TENT4B: variants seen among roughly 807,000 people sequenced by gnomAD.
TENT4B encodes PAP associated domain containing 5.
TENT4B carries 10 observed loss-of-function variants against 75.0 expected under a neutral mutation model. That is an observed-to-expected ratio of 0.13 (90% CI 0.08 to 0.23). The LOEUF is 0.23. TENT4B is among the 10% of genes least tolerant of loss of function. TENT4B has a pLI of 1.00. For missense variants in TENT4B, 579 were observed against 893.8 expected, an observed-to-expected ratio of 0.65 and a Z score of 4.49; for synonymous variants, 350 against 357.7, an observed-to-expected ratio of 0.98 and a Z score of 0.24.
chr16:50,186,366 ATC>A (rs2038527415), intron 1 of TENT4B, among the ~76,000 whole-genome samples: 2 of 151,946 alleles, frequency 1.3e-5, no homozygotes, highest in African/African-American at 4.8e-5. Flanking sequence ...CCTGGCTTTC[ATC>A]ATCTAGCAGG....
chr16:50,166,780 ATTTTTT>A (rs57856238), intron 1 of TENT4B, among the ~76,000 whole-genome samples: 43 of 115,270 alleles, frequency 3.7e-4, no homozygotes, highest in African/African-American at 5.2e-4. Flanking sequence ...TGCCTGGCTA[ATTTTTT>A]TTTTTTTTTT....
At chr16:50,180,340 T>A (rs1433595854) in intron 1 of TENT4B, among the ~76,000 whole-genome samples, 1 of 152,184 alleles carries the variant, frequency 6.6e-6, no homozygotes, top group Non-Finnish European at 1.5e-5. Flanking sequence ...CCTAACCTTG[T>A]GATCTGCCTG....
intron 1 of TENT4B, among the ~76,000 whole-genome samples, chr16:50,205,514 G>A (rs1313159467): frequency 6.9e-6 from 1 of 144,424 alleles, no homozygotes; most frequent in Non-Finnish European, 1.5e-5. Flanking sequence ...AATGCAAATA[G>A]GAACATTTTG....
chr16:50,192,732 C>T (rs188391842), intron 1 of TENT4B, among the ~76,000 whole-genome samples: 16 of 151,838 alleles, frequency 1.1e-4, no homozygotes, highest in African/African-American at 3.6e-4. Context: ...ATTTGAATTG[C>T]ACATAATTTT....
chr16:50,159,701 C>G (rs1311765642), intron 1 of TENT4B, among the ~76,000 whole-genome samples: 3 of 152,110 alleles, frequency 2.0e-5, no homozygotes, highest in Admixed American at 6.6e-5. Flanking sequence ...GCAGATATAG[C>G]CCACAGTAAT....
At position 50,216,125 on chromosome 16, in the gene TENT4B, C is replaced by T. The variant is rs984510384; in HGVS notation, c.860C>T (p.Thr287Ile). ...FGKWENLPLWTLEEALRKHKV... is the reference protein window; with the variant it reads ...FGKWENLPLWILEEALRKHKV... ...AAGTGGGAGAACCTACCCCTCTGGA[C>T]TCTGGAAGAAGCTCTTCGGAAACAC... Residue 287 changes from threonine (T) to isoleucine (I), a missense_variant, in exon 4 of 12, where the codon ACT becomes ATT. Transcript: ENST00000561678. The T allele has an allele frequency of 2.5e-6, 4 of 1,613,878 alleles. No individual in the cohort carries two copies. The highest frequency in any genetic ancestry group is 3.4e-6 in the Non-Finnish European group (4 of 1,179,876).
upstream of TENT4B, among the ~76,000 whole-genome samples, chr16:50,153,280 C>CGCCGCT (rs1050160530): frequency 3.6e-5 from 5 of 137,550 alleles, no homozygotes; most frequent in East Asian, 4.6e-4. Context: ...GTCTCGCTGC[C>CGCCGCT]GCCGCTGCCG....
chr16:50,192,757 A>G (rs975194663), intron 1 of TENT4B, among the ~76,000 whole-genome samples: 4 of 80,980 alleles, frequency 4.9e-5, no homozygotes, highest in African/African-American at 1.2e-4. Context: ...TGTCTCCTGT[A>G]TAATTCTTCT....
chr16:50,206,911 T>TG (rs971447699), intron 1 of TENT4B, among the ~76,000 whole-genome samples: 25 of 150,892 alleles, frequency 1.7e-4, no homozygotes, highest in African/African-American at 4.4e-4. Context: ...AGAAGTTTGT[T>TG]TTTTTTTTTT....
At chr16:50,159,349 A>G (rs951770684) in intron 1 of TENT4B, among the ~76,000 whole-genome samples, 4 of 150,968 alleles carry the variant, frequency 2.6e-5, no homozygotes, top group African/African-American at 9.8e-5. Flanking sequence ...GGTTCAAGCA[A>G]TTCTCCTGCC....
At chr16:50,205,978 A>G (rs1462641759) in intron 1 of TENT4B, among the ~76,000 whole-genome samples, 1 of 152,134 alleles carries the variant, frequency 6.6e-6, no homozygotes, top group Admixed American at 6.5e-5. Flanking sequence ...TGACATCTTT[A>G]TCAGCTTATA....
intron 1 of TENT4B, among the ~76,000 whole-genome samples, chr16:50,161,607 T>C (rs954587988): frequency 2.0e-5 from 3 of 152,234 alleles, no homozygotes; most frequent in Non-Finnish European, 4.4e-5. Flanking sequence ...CCATTTGTTA[T>C]TATATTAACC....
Position 50,231,446 on chromosome 16 carries a change from CTG to C in TENT4B, c.*2119_*2120del. ...AGAGATCTATGTTACATTTACCACA[CTG>C]AAGTTTTTTTTGTTGTTTTTTGTTT... On this transcript the variant is annotated 3_prime_UTR_variant, in exon 12 of 12. Transcript: ENST00000561678. The C allele has an allele frequency of 1.0e-6, 1 of 985,592 alleles. No individual in the cohort carries two copies. The highest frequency in any genetic ancestry group is 1.2e-6 in the Non-Finnish European group (1 of 829,766). The allele number at this position is 985,592 out of a possible 1,614,324, so 61.1% of individuals were successfully genotyped here.
At chr16:50,169,449 C>G (rs1339236273) in intron 1 of TENT4B, among the ~76,000 whole-genome samples, 1 of 124,764 alleles carries the variant, frequency 8.0e-6, no homozygotes, top group Non-Finnish European at 1.6e-5. Context: ...GTGTACATCT[C>G]TCAGAAGACA....
intron 1 of TENT4B, among the ~76,000 whole-genome samples, chr16:50,165,739 G>A (rs74937911): frequency 1.7e-3 from 252 of 152,160 alleles, no homozygotes; most frequent in African/African-American, 5.9e-3. Flanking sequence ...TATCTGTGTC[G>A]TAGCATGTGT....
intron 1 of TENT4B, among the ~76,000 whole-genome samples, chr16:50,207,348 A>AT (rs1260983137): frequency 6.6e-6 from 1 of 151,592 alleles, no homozygotes; most frequent in African/African-American, 2.4e-5. Context: ...CGCCTGGCTA[A>AT]TTTTTTTGTA....
In TENT4B at chr16:50,229,169, C is replaced by G. The variant is rs771925633; in HGVS notation, c.1983C>G (p.Leu661=). Residue 661 remains leucine, a synonymous_variant, in exon 12 of 12, where the codon CTC becomes CTG. Transcript: ENST00000561678. ...TTCTGCAGCATGGATCAGCAAGGCT[C>G]TTTCGTTCTTCCAGCAAAGGCTTCC... ...TNKSQHGSAR[L]FRSSSKGFQG... 6.2e-7 allele frequency: 1 copy of G among 1,613,806 alleles called. No homozygotes were observed. The highest frequency in any genetic ancestry group is 1.3e-5 in the African/African-American group (1 of 75,024).
At chr16:50,164,536 T>C (rs1228849717) in intron 1 of TENT4B, among the ~76,000 whole-genome samples, 1 of 150,986 alleles carries the variant, frequency 6.6e-6, no homozygotes, top group African/African-American at 2.4e-5. Context: ...CTTGAGCTCC[T>C]GACCTCGTGA....
intron 1 of TENT4B, among the ~76,000 whole-genome samples, chr16:50,176,302 C>T (rs901594187): frequency 5.3e-5 from 8 of 151,550 alleles, no homozygotes; most frequent in Admixed American, 5.3e-4. Context: ...TCAGCCTGGT[C>T]TCAAACTCCT....
Sources: allele counts gnomAD v4.1 joint callset (sites outside exome capture counted in the v4.1 genomes callset), GRCh38; gene constraint gnomAD v4.1.1; transcripts MANE v1.5; gene names NCBI Gene and HGNC (gene_info 2026-07-23, HGNC 2026-07-21).